The following KALRN variants were observed in gnomAD, a reference collection of about 807,000 sequenced individuals.
KALRN encodes the protein kalirin.
In KALRN, 70 loss-of-function variants were observed where a neutral mutation model predicts 353.7. That is an observed-to-expected ratio of 0.20 (90% CI 0.16 to 0.24). The LOEUF is 0.24. KALRN is among the 10% of genes least tolerant of loss of function. The pLI, the probability that KALRN is intolerant of heterozygous loss-of-function variation, is 1.00. For synonymous variants in KALRN, 1,391 were observed against 1,434.8 expected (o/e 0.97, Z 0.69); for missense variants, 2,791 against 3,756.7 (o/e 0.74, Z 6.72).
intron 1 of KALRN, among the ~76,000 whole-genome samples, chr3:124,140,079 C>T (rs2066439048): frequency 6.6e-6 from 1 of 152,130 alleles, no homozygotes; most frequent in Non-Finnish European, 1.5e-5. Flanking sequence ...GACTGATCCC[C>T]AGTGAAGCTG....
intron 37 of KALRN, among the ~76,000 whole-genome samples, chr3:124,638,257 A>G (rs1038277146): frequency 6.6e-6 from 1 of 151,952 alleles, no homozygotes; most frequent in African/African-American, 2.4e-5. Context: ...CCCTTTTCAG[A>G]TATCCCAGCA....
intron 34 of KALRN, among the ~76,000 whole-genome samples, chr3:124,572,235 G>A (rs568540286): frequency 6.6e-6 from 1 of 151,820 alleles, no homozygotes; most frequent in East Asian, 2.0e-4. Flanking sequence ...GGTGGGGGAA[G>A]GGCTGCAGTG....
intron 15 of KALRN, among the ~76,000 whole-genome samples, chr3:124,423,887 C>CA: frequency 6.6e-6 from 1 of 152,170 alleles, no homozygotes; most frequent in Non-Finnish European, 1.5e-5. Context: ...ATAAAAATTA[C>CA]AAAAAATACA....
intron 5 of KALRN, among the ~76,000 whole-genome samples, chr3:124,292,117 G>A (rs2076473609): frequency 6.6e-6 from 1 of 152,128 alleles, no homozygotes; most frequent in African/African-American, 2.4e-5. Flanking sequence ...TGCCCTATTT[G>A]CACAAGAAAA....
At chr3:124,133,294 T>C (rs2065525024) in intron 1 of KALRN, among the ~76,000 whole-genome samples, 1 of 152,214 alleles carries the variant, frequency 6.6e-6, no homozygotes, top group South Asian at 2.1e-4. Context: ...TGGGTGACAG[T>C]ATTTTAGTTT....
intron 1 of KALRN, among the ~76,000 whole-genome samples, chr3:124,085,916 A>T (rs963916064): frequency 1.3e-5 from 2 of 152,204 alleles, no homozygotes; most frequent in African/African-American, 4.8e-5. Context: ...ATATATTTAT[A>T]TGTCTATTTT....
At chr3:124,470,345 TG>T (rs2060760885) in intron 25 of KALRN, among the ~76,000 whole-genome samples, 1 of 152,224 alleles carries the variant, frequency 6.6e-6, no homozygotes, top group Non-Finnish European at 1.5e-5. Flanking sequence ...GAATTCATCA[TG>T]TCTATTTGAA....
At chr3:124,700,942 G>A (rs1283648516) in intron 56 of KALRN, among the ~76,000 whole-genome samples, 1 of 152,190 alleles carries the variant, frequency 6.6e-6, no homozygotes, top group Non-Finnish European at 1.5e-5. Context: ...TGTGACTCTT[G>A]CAGAAACCTA....
intron 34 of KALRN, among the ~76,000 whole-genome samples, chr3:124,576,688 A>G (rs2074130688): frequency 6.6e-6 from 1 of 152,198 alleles, no homozygotes; most frequent in Admixed American, 6.5e-5. Context: ...GACAAAATCC[A>G]CTTTCCATTT....
rs533601317 is a variant in KALRN, at chr3:124,071,285, C to T, written c.73+37472C>T. Reference sequence around the variant, plus strand: ...TGGAAATTCATTGACTGAGCACTTTCCAAATGCAATCTCTATTTCTCCCAA... The same window carrying T: ...TGGAAATTCATTGACTGAGCACTTTTCAAATGCAATCTCTATTTCTCCCAA... On this transcript the variant is annotated intron_variant, in intron 1 of 59. Coordinates refer to ENST00000682506, the MANE Select transcript of KALRN (RefSeq NM_001388419.1). Among the ~76,000 whole-genome samples, 169 of 152,268 alleles carry T rather than the reference C, an allele frequency of 1.1e-3. 1 individual carries two copies. Among genetic ancestry groups the T allele is most frequent in the Non-Finnish European group, 1.7e-3 (114 of 68,030 alleles).
intron 1 of KALRN, among the ~76,000 whole-genome samples, chr3:124,169,534 A>T (rs998151878): frequency 3.9e-5 from 6 of 152,058 alleles, no homozygotes; most frequent in Non-Finnish European, 8.8e-5. Flanking sequence ...GGTGCAGTGG[A>T]ATCCCGGGGA....
At chr3:124,498,338 G>GTTTT (rs1561145627) in intron 33 of KALRN, among the ~76,000 whole-genome samples, 1 of 152,168 alleles carries the variant, frequency 6.6e-6, no homozygotes, top group Non-Finnish European at 1.5e-5. Flanking sequence ...TACTTATGTA[G>GTTTT]TTTTTTGTTT....
intron 34 of KALRN, among the ~76,000 whole-genome samples, chr3:124,592,252 A>C (rs1188132645): frequency 6.7e-6 from 1 of 149,926 alleles, no homozygotes; most frequent in Non-Finnish European, 1.5e-5. Flanking sequence ...CAGTGAGCCG[A>C]GATAGAGCCA....
chr3:124,398,397 G>T (rs1296977924), intron 12 of KALRN, among the ~76,000 whole-genome samples: 1 of 152,074 alleles, frequency 6.6e-6, no homozygotes, highest in South Asian at 2.1e-4. Context: ...TTTATGCCTT[G>T]TAGAGTCCTT....
At chr3:124,347,752 T>C (rs1230671379) in intron 10 of KALRN, among the ~76,000 whole-genome samples, 1 of 152,176 alleles carries the variant, frequency 6.6e-6, no homozygotes, top group Non-Finnish European at 1.5e-5. Context: ...TTCCAGGACC[T>C]GGAGAAATAG....
At chr3:124,126,074 C>G (rs1305326398) in intron 1 of KALRN, among the ~76,000 whole-genome samples, 1 of 152,110 alleles carries the variant, frequency 6.6e-6, no homozygotes, top group Non-Finnish European at 1.5e-5. Context: ...TTGCCTTCAT[C>G]GTTTGCCTTG....
chr3:124,589,286 A>G (rs1030641924), intron 34 of KALRN, among the ~76,000 whole-genome samples: 2 of 152,216 alleles, frequency 1.3e-5, no homozygotes, highest in Non-Finnish European at 2.9e-5. Flanking sequence ...GGTAACTGCA[A>G]AAAGGAACCA....
intron 27 of KALRN, among the ~76,000 whole-genome samples, chr3:124,479,235 A>G (rs2061719984): frequency 6.6e-6 from 1 of 152,108 alleles, no homozygotes; most frequent in South Asian, 2.1e-4. Flanking sequence ...ATATATCCCC[A>G]AATTTCCCAC....
chr3:124,172,659 C>T lies in KALRN; in HGVS notation c.74-55331C>T, dbSNP rs182034392. Reference sequence around the variant, plus strand: ...GAGAAGAAAATTTGCCAGGGGCGCCCCTGGAACATAGAGAGTTCCTGGGCC... The same window carrying T: ...GAGAAGAAAATTTGCCAGGGGCGCCTCTGGAACATAGAGAGTTCCTGGGCC... On this transcript the variant is annotated intron_variant, in intron 1 of 59. Transcript: ENST00000682506. 4.6e-5 allele frequency among the ~76,000 whole-genome samples: 7 copies of T among 151,998 alleles called. 1 individual carries two copies. Among genetic ancestry groups the T allele is most frequent in the African/African-American group, 1.7e-4 (7 of 41,454 alleles).
Sources: allele counts gnomAD v4.1 joint callset (sites outside exome capture counted in the v4.1 genomes callset), GRCh38; gene constraint gnomAD v4.1.1; transcripts MANE v1.5; gene names NCBI Gene and HGNC (gene_info 2026-07-23, HGNC 2026-07-21).